Variants in OR14A2 observed in about 807,000 individuals in gnomAD.
OR14A2 encodes the protein olfactory receptor 14A2.
For synonymous variants in OR14A2, 114 were observed against 58.6 expected (o/e 1.95, Z -4.32); for missense variants, 237 against 152.9 (o/e 1.55, Z -2.90).
chr1:247,738,750 C>T, the OR14A2 span: 17 of 780,808 alleles, frequency 2.2e-5, no homozygotes, highest in Non-Finnish European at 4.1e-5. Flanking sequence ...CATCATTCTC[C>T]TCATGATTCT....
chr1:247,728,535 A>G (rs1006500355), upstream of OR14A2, among the ~76,000 whole-genome samples: 1 of 152,050 alleles, frequency 6.6e-6, no homozygotes, highest in South Asian at 2.1e-4. Flanking sequence ...GCCCTCTCTC[A>G]CCACTCCTAT....
At chr1:247,734,253 C>T in the OR14A2 span, among the ~76,000 whole-genome samples, 1 of 152,062 alleles carries the variant, frequency 6.6e-6, no homozygotes, top group East Asian at 1.9e-4. Context: ...CAGAGACGAC[C>T]AGAGGAAGAG....
the OR14A2 span, among the ~76,000 whole-genome samples, chr1:247,731,398 T>C: frequency 3.9e-5 from 6 of 152,208 alleles, no homozygotes; most frequent in African/African-American, 1.2e-4. Context: ...GCTTTAAAGA[T>C]TGGTGCTTAT....
At chr1:247,739,399 C>A in the OR14A2 span, 1 of 780,758 alleles carries the variant, frequency 1.3e-6, no homozygotes, top group South Asian at 1.3e-5. Flanking sequence ...AAGCCAGGGT[C>A]TGATGCACCT....
the OR14A2 span, among the ~76,000 whole-genome samples, chr1:247,734,734 T>A: frequency 6.6e-6 from 1 of 152,170 alleles, no homozygotes; most frequent in African/African-American, 2.4e-5. Flanking sequence ...GGATGTCATA[T>A]GTCTCTTACG....
At chr1:247,728,354 G>A (rs945255358), upstream of OR14A2, among the ~76,000 whole-genome samples, 10 of 151,860 alleles carry the variant, frequency 6.6e-5, no homozygotes, top group African/African-American at 2.2e-4. Context: ...GCAGAAAAAG[G>A]CTTTGACAAA....
At chr1:247,737,477 C>A in the OR14A2 span, among the ~76,000 whole-genome samples, 1 of 152,138 alleles carries the variant, frequency 6.6e-6, no homozygotes, top group African/African-American at 2.4e-5. Context: ...TAATGGAGAG[C>A]CTGACTTATA....
At chr1:247,737,577 C>T in the OR14A2 span, among the ~76,000 whole-genome samples, 9 of 152,206 alleles carry the variant, frequency 5.9e-5, no homozygotes, top group African/African-American at 2.2e-4. Context: ...GCAGTGTCTA[C>T]ATACCCTAAG....
At chr1:247,737,351 C>A in the OR14A2 span, among the ~76,000 whole-genome samples, 1 of 151,848 alleles carries the variant, frequency 6.6e-6, no homozygotes, top group South Asian at 2.1e-4. Flanking sequence ...CTTGTGTCTA[C>A]AAAAATAAAA....
chr1:247,744,678 C>T, the OR14A2 span, among the ~76,000 whole-genome samples: 1 of 152,048 alleles, frequency 6.6e-6, no homozygotes, highest in Non-Finnish European at 1.5e-5. This position sits in a 1 kb window ranked among gnomAD's most constrained non-coding sequence, Gnocchi z 4.3. Flanking sequence ...GATGGATATG[C>T]CAAAAATGTA....
At chr1:247,729,518 C>T in the OR14A2 span, among the ~76,000 whole-genome samples, 1 of 152,054 alleles carries the variant, frequency 6.6e-6, no homozygotes, top group African/African-American at 2.4e-5. Flanking sequence ...CTCTGTTCCC[C>T]TTTAGACTTA....
chr1:247,724,901 T>G (rs1660298684), upstream of OR14A2, among the ~76,000 whole-genome samples: 3 of 152,228 alleles, frequency 2.0e-5, no homozygotes, highest in Non-Finnish European at 4.4e-5. Context: ...CTTCTTTCAG[T>G]GTTTAAAATA....
At chr1:247,741,579 C>T in the OR14A2 span, among the ~76,000 whole-genome samples, 1 of 152,084 alleles carries the variant, frequency 6.6e-6, no homozygotes, top group African/African-American at 2.4e-5. Flanking sequence ...AGCAACCATA[C>T]AGAGTGAGTG....
the OR14A2 span, among the ~76,000 whole-genome samples, chr1:247,735,966 A>G: frequency 6.6e-6 from 1 of 152,232 alleles, no homozygotes; most frequent in Non-Finnish European, 1.5e-5. Flanking sequence ...TGAAATAAAT[A>G]TAGAACTGTT....
At chr1:247,735,291 A>G in the OR14A2 span, among the ~76,000 whole-genome samples, 3 of 152,240 alleles carry the variant, frequency 2.0e-5, no homozygotes, top group Admixed American at 2.0e-4. Flanking sequence ...AGAGCACTGC[A>G]TCTCCCAGTG....
the OR14A2 span, chr1:247,738,520 C>G: frequency 1.5e-6 from 1 of 646,844 alleles, no homozygotes; most frequent in Non-Finnish European, 2.8e-6. Flanking sequence ...GCTACACATA[C>G]CTTCATTCAA....
chr1:247,729,081 T>G, the OR14A2 span, among the ~76,000 whole-genome samples: 1 of 152,114 alleles, frequency 6.6e-6, no homozygotes, highest in Non-Finnish European at 1.5e-5. Context: ...TTTGACATAA[T>G]TTGTAAACGT....
chr1:247,728,610 A>G (rs546911846), upstream of OR14A2, among the ~76,000 whole-genome samples: 1 of 152,256 alleles, frequency 6.6e-6, no homozygotes, highest in South Asian at 2.1e-4. Context: ...AGGGTATTCA[A>G]TTAGGAAAAG....
chr1:247,734,275 G>A, the OR14A2 span, among the ~76,000 whole-genome samples: 31 of 152,164 alleles, frequency 2.0e-4, no homozygotes, highest in Non-Finnish European at 4.1e-4. Flanking sequence ...CAGCAAGACA[G>A]TGTCCATCTG....
Sources: allele counts gnomAD v4.1 joint callset (sites outside exome capture counted in the v4.1 genomes callset), GRCh38; gene constraint gnomAD v4.1.1; non-coding constraint Gnocchi (gnomAD v3.1); transcripts MANE v1.5; gene names NCBI Gene and HGNC (gene_info 2026-07-23, HGNC 2026-07-21).